The following BCKDHB variants were observed in gnomAD, a reference collection of about 807,000 sequenced individuals.
BCKDHB encodes the protein 2-oxoisovalerate dehydrogenase subunit beta, mitochondrial.
BCKDHB carries 41 observed loss-of-function variants against 48.5 expected under a neutral mutation model. That is an observed-to-expected ratio of 0.85 (90% CI 0.66 to 1.10). BCKDHB has a LOEUF of 1.10. BCKDHB is among the 50% of genes least tolerant of loss of function. BCKDHB has a pLI of 0.00. For synonymous variants in BCKDHB, 201 were observed against 174.8 expected (o/e 1.15, Z -1.18); for missense variants, 496 against 494.2 (o/e 1.00, Z -0.03).
intron 3 of BCKDHB, among the ~76,000 whole-genome samples, chr6:80,153,944 C>A (rs915825538): frequency 6.6e-6 from 1 of 152,196 alleles, no homozygotes; most frequent in Non-Finnish European, 1.5e-5. Flanking sequence ...TTATCTCCCA[C>A]TACTGTTTTT....
the BCKDHB span, among the ~76,000 whole-genome samples, chr6:80,420,094 C>T: frequency 6.6e-6 from 1 of 152,156 alleles, no homozygotes; most frequent in Non-Finnish European, 1.5e-5. Context: ...TTGTAGCTCA[C>T]TGAGCTTCTT....
chr6:80,446,932 C>G, the BCKDHB span, among the ~76,000 whole-genome samples: 7 of 151,952 alleles, frequency 4.6e-5, no homozygotes, highest in African/African-American at 1.7e-4. Flanking sequence ...GCTTTATGGT[C>G]AAGCTGACCT....
chr6:80,145,158 G>GT (rs1403237171), intron 3 of BCKDHB, among the ~76,000 whole-genome samples: 3 of 152,132 alleles, frequency 2.0e-5, no homozygotes, highest in African/African-American at 7.2e-5. Context: ...CATTTGATGT[G>GT]TTTTTTCCCT....
intron 3 of BCKDHB, among the ~76,000 whole-genome samples, chr6:80,151,705 C>T (rs1413413871): frequency 6.6e-6 from 1 of 152,086 alleles, no homozygotes; most frequent in Non-Finnish European, 1.5e-5. Context: ...GGGGAAAGCT[C>T]ATTTATTTTT....
At chr6:80,436,185 G>A in the BCKDHB span, among the ~76,000 whole-genome samples, 4 of 105,592 alleles carry the variant, frequency 3.8e-5, no homozygotes, top group South Asian at 3.3e-4. Flanking sequence ...GCGGAGTCTC[G>A]CTCTGCTGCC....
chr6:80,252,762 A>G (rs1330269783), intron 8 of BCKDHB, among the ~76,000 whole-genome samples: 4 of 152,230 alleles, frequency 2.6e-5, no homozygotes, highest in African/African-American at 9.6e-5. Flanking sequence ...CTATCTTACT[A>G]CAAGAGATAC....
the BCKDHB span, among the ~76,000 whole-genome samples, chr6:80,392,444 AT>A: frequency 6.6e-6 from 1 of 151,034 alleles, no homozygotes; most frequent in South Asian, 2.1e-4. Flanking sequence ...AATTTTTATT[AT>A]TTTTTCTCTT....
intron 1 of BCKDHB, among the ~76,000 whole-genome samples, chr6:80,113,445 A>G (rs1769519318): frequency 6.6e-6 from 1 of 152,356 alleles, no homozygotes; most frequent in East Asian, 1.9e-4. Flanking sequence ...GCTTCCACAT[A>G]GAAAACTCTT....
intron 3 of BCKDHB, among the ~76,000 whole-genome samples, chr6:80,163,023 A>C (rs1772396423): frequency 6.6e-6 from 1 of 151,596 alleles, no homozygotes; most frequent in African/African-American, 2.4e-5. Context: ...CCTGGGTTCA[A>C]ATGATCCTCC....
intron 8 of BCKDHB, among the ~76,000 whole-genome samples, chr6:80,239,222 G>A (rs1232050914): frequency 6.6e-6 from 1 of 152,160 alleles, no homozygotes; most frequent in Non-Finnish European, 1.5e-5. Context: ...CACCAACAGT[G>A]TAAAAGTGTT....
At chr6:80,259,378 A>G (rs1200877636) in intron 8 of BCKDHB, among the ~76,000 whole-genome samples, 1 of 152,208 alleles carries the variant, frequency 6.6e-6, no homozygotes, top group Non-Finnish European at 1.5e-5. Flanking sequence ...CTTTGGCATC[A>G]TAAAGTAGTA....
chr6:80,417,807 T>C, the BCKDHB span, among the ~76,000 whole-genome samples: 28 of 152,184 alleles, frequency 1.8e-4, no homozygotes, highest in Non-Finnish European at 3.5e-4. Flanking sequence ...GATAATTATG[T>C]CTTGAGGATA....
Position 80,282,980 on chromosome 6 carries a change from G to T in BCKDHB, c.1038+9759G>T, listed in dbSNP as rs553198393. Among the ~76,000 whole-genome samples the T allele has an allele frequency of 5.3e-5, 8 of 152,098 alleles. No homozygotes were observed. In the East Asian group the frequency reaches 1.5e-3, roughly 29 times the overall value. On this transcript the variant is annotated intron_variant, in intron 9 of 9. Transcript: ENST00000320393. The stretch of plus-strand genomic sequence containing the variant: ...CATAATTCCTTTATCATGTACATTT[G>T]AGTTTTGGGATTTACCATTCATAGT...
chr6:80,296,252 G>A (rs957265422), intron 9 of BCKDHB, among the ~76,000 whole-genome samples: 1 of 152,152 alleles, frequency 6.6e-6, no homozygotes, highest in African/African-American at 2.4e-5. Context: ...ACCTTTTGAA[G>A]AGGATTAAAA....
chr6:80,289,241 A>T (rs912916664), intron 9 of BCKDHB, among the ~76,000 whole-genome samples: 1 of 152,172 alleles, frequency 6.6e-6, no homozygotes, highest in African/African-American at 2.4e-5. Context: ...CTAAAATGCG[A>T]GCTAAAAATA....
chr6:80,417,409 C>A, the BCKDHB span, among the ~76,000 whole-genome samples: 4 of 152,126 alleles, frequency 2.6e-5, no homozygotes, highest in Non-Finnish European at 5.9e-5. Context: ...GGTTATTTTG[C>A]ACACTTGTTT....
intron 1 of BCKDHB, among the ~76,000 whole-genome samples, chr6:80,121,959 G>T (rs1193101240): frequency 6.6e-6 from 1 of 152,128 alleles, no homozygotes; most frequent in African/African-American, 2.4e-5. Flanking sequence ...TCCAGTTTTT[G>T]CCAATTTAGT....
intron 3 of BCKDHB, among the ~76,000 whole-genome samples, chr6:80,135,552 A>C (rs1770844419): frequency 6.6e-6 from 1 of 152,184 alleles, no homozygotes; most frequent in Admixed American, 6.6e-5. Flanking sequence ...TCTTGATATT[A>C]CAAAGTTCTT....
At position 80,345,574 on chromosome 6, in the gene BCKDHB, A is replaced by G. The variant is rs1770159397; in HGVS notation, c.*1770A>G. On this transcript the variant is annotated 3_prime_UTR_variant, in exon 10 of 10. Coordinates refer to ENST00000320393, the MANE Select transcript of BCKDHB (RefSeq NM_183050.4). ...AGATGGAAGTTAGGACCATTAGCCC[A>G]CAGATGCATGTATTCTCTCAGACAT... is the stretch of plus-strand genomic sequence containing the variant. 6.6e-6 allele frequency: 1 copy of G among 152,234 alleles called. No homozygotes were observed. The highest frequency in any genetic ancestry group is 2.4e-5 in the African/African-American group (1 of 41,460). The allele number at this position is 152,234 out of a possible 1,614,324, so 9.4% of individuals were successfully genotyped here. A position where few individuals can be genotyped will look rare whatever the true frequency, so the allele number is the denominator to read the frequency against.
Sources: gnomAD v4.1 joint callset for allele counts (sites outside exome capture counted in the v4.1 genomes callset) on GRCh38, gnomAD v4.1.1 for gene constraint, MANE v1.5 for transcripts, NCBI Gene and HGNC (gene_info 2026-07-23, HGNC 2026-07-21) for gene names.